The following TAFA1 variants were observed in gnomAD, a reference collection of about 807,000 sequenced individuals.
The protein encoded by TAFA1 is TAFA chemokine like family member 1.
A neutral mutation model predicts 18.5 loss-of-function variants in TAFA1; 4 were observed. That is an observed-to-expected ratio of 0.22 (90% CI 0.11 to 0.49). The LOEUF (loss-of-function observed/expected upper bound fraction) is 0.49, where lower values mean the gene tolerates loss of function less well. Among genes scored for constraint, TAFA1 ranks in the 20% least tolerant of loss-of-function variants. The pLI is 0.98. For synonymous variants in TAFA1, 56 were observed against 55.2 expected (o/e 1.01, Z -0.06); for missense variants, 147 against 169.0 (o/e 0.87, Z 0.72).
At position 68,107,731 on chromosome 3, in the gene TAFA1, C is replaced by A. The variant is rs150005665; in HGVS notation, c.118+100987C>A. 5.0e-3 allele frequency among the ~76,000 whole-genome samples: 768 copies of A among 152,168 alleles called. 7 individuals carry two copies. The highest frequency in any genetic ancestry group is 0.017 in the African/African-American group (718 of 41,524). On this transcript the variant is annotated intron_variant, in intron 2 of 4. Coordinates refer to ENST00000478136, the MANE Select transcript of TAFA1 (RefSeq NM_213609.4). ...AGAATTCTCCCTCTCAATTAAGTTT[C>A]CAGGAGTGGCTGCATTTAATATGAT...
chr3:68,522,912 C>T (rs1195102365), intron 3 of TAFA1, among the ~76,000 whole-genome samples: 1 of 151,978 alleles, frequency 6.6e-6, no homozygotes, highest in Non-Finnish European at 1.5e-5. Flanking sequence ...CCCAACTCTA[C>T]TAAAAATACA....
upstream of TAFA1, among the ~76,000 whole-genome samples, chr3:68,002,548 A>G (rs1267612718): frequency 6.6e-6 from 1 of 152,244 alleles, no homozygotes; most frequent in African/African-American, 2.4e-5. Flanking sequence ...TCACGGGGCA[A>G]AAGCCATCTT....
rs1401482101 is a variant in TAFA1, at chr3:68,054,360, C to T, written c.118+47616C>T. 2.0e-5 allele frequency among the ~76,000 whole-genome samples: 3 copies of T among 152,116 alleles called. No individual in the cohort carries two copies. In the East Asian group the frequency reaches 5.8e-4, roughly 29 times the overall value. On this transcript the variant is annotated intron_variant, in intron 2 of 4. Coordinates refer to ENST00000478136, the MANE Select transcript of TAFA1 (RefSeq NM_213609.4). ...TAAAAGGAGCCTGGCACCTCCCCTC[C>T]TCTCTCTCCATGTGATCTGTTCACT...
At chr3:68,538,733 A>T (rs3828366) in intron 3 of TAFA1, 23 bp from the exon 4 acceptor site, 3 of 1,611,812 alleles carry the variant, frequency 1.9e-6, no homozygotes, top group Non-Finnish European at 1.7e-6. Context: ...TTGCAAACAC[A>T]GTTGTTTCCT....
In TAFA1 at chr3:68,544,495, A is replaced by G. The variant is rs2073425177; in HGVS notation, c.394A>G (p.Arg132Gly). Residue 132 changes from arginine to glycine, a missense_variant, in exon 5 of 5, where the codon AGA becomes GGA. By Grantham distance (125) the Arg-to-Gly change is moderately radical (BLOSUM62 -2). Transcript: ENST00000478136. Reference protein sequence around the residue: ...NKIKTTRIHPRT With the variant: ...NKIKTTRIHPGT ...CTTTCTTTGGTTTCAGATTCACCCAAGAACCTAACAGAAGCATTTGTGGTA... is the reference window on the plus strand; with the variant it reads ...CTTTCTTTGGTTTCAGATTCACCCAGGAACCTAACAGAAGCATTTGTGGTA... 1 of 1,612,380 alleles carries G rather than the reference A, an allele frequency of 6.2e-7. No individual in the cohort carries two copies. The highest frequency in any genetic ancestry group is 1.7e-5 in the Admixed American group (1 of 59,840).
rs145183812 is a variant in TAFA1, at chr3:68,214,973, T to C, written c.119-202307T>C. 7.7e-3 allele frequency among the ~76,000 whole-genome samples: 1,174 copies of C among 152,128 alleles called. 3 individuals are homozygous for C. The highest frequency in any genetic ancestry group is 0.014 in the Non-Finnish European group (951 of 67,956). On this transcript the variant is annotated intron_variant, in intron 2 of 4. Transcript: ENST00000478136. ...ACTTTTGCTTAGAGGTTGTATATAC[T>C]GTTGCTGATCTGTGAAATGAAGGAC... is the stretch of plus-strand genomic sequence containing the variant.
chr3:68,498,284 T>C (rs1029567736), intron 3 of TAFA1, among the ~76,000 whole-genome samples: 5 of 152,304 alleles, frequency 3.3e-5, no homozygotes, highest in Non-Finnish European at 7.3e-5. Context: ...ATAATTATTA[T>C]ATTATTTTGT....
intron 2 of TAFA1, among the ~76,000 whole-genome samples, chr3:68,166,080 G>A (rs991719628): frequency 6.1e-5 from 9 of 148,264 alleles, no homozygotes; most frequent in South Asian, 2.3e-4. Context: ...AAAATTCTGC[G>A]CAAAGTCATA....
At chr3:68,141,104 C>T (rs1193763594) in intron 2 of TAFA1, among the ~76,000 whole-genome samples, 1 of 152,148 alleles carries the variant, frequency 6.6e-6, no homozygotes, top group Non-Finnish European at 1.5e-5. Context: ...AAGCTAGTCT[C>T]CCCTTCTGGC....
At chr3:68,252,335 T>C (rs1356408934) in intron 2 of TAFA1, among the ~76,000 whole-genome samples, 1 of 152,154 alleles carries the variant, frequency 6.6e-6, no homozygotes, top group Non-Finnish European at 1.5e-5. Context: ...TTCAATTTCA[T>C]TTCTCCTCAT....
intron 3 of TAFA1, among the ~76,000 whole-genome samples, chr3:68,509,982 C>T (rs892674083): frequency 5.3e-5 from 8 of 152,060 alleles, no homozygotes; most frequent in African/African-American, 1.9e-4. Context: ...TATGTAACTT[C>T]CCAATTTTAA....
intron 2 of TAFA1, among the ~76,000 whole-genome samples, chr3:68,186,849 A>T (rs1465482896): frequency 6.6e-6 from 1 of 151,920 alleles, no homozygotes. Context: ...TTAATTTCTC[A>T]CCTTGCTAGG....
At chr3:68,246,395 C>A (rs1361267347) in intron 2 of TAFA1, among the ~76,000 whole-genome samples, 1 of 151,576 alleles carries the variant, frequency 6.6e-6, no homozygotes, top group East Asian at 1.9e-4. Flanking sequence ...TGGAGACCAT[C>A]CTGGCTAACA....
chr3:68,249,498 T>C (rs555692737), intron 2 of TAFA1, among the ~76,000 whole-genome samples: 24 of 152,254 alleles, frequency 1.6e-4, no homozygotes, highest in Non-Finnish European at 2.2e-4. Flanking sequence ...ATTTGTCCTA[T>C]GTATCAAACA....
chr3:68,529,406 T>A lies in TAFA1; in HGVS notation c.260-9350T>A, dbSNP rs576547427. ...CCTACCCTTTAATCATATCTCCCCT[T>A]TGCTCATGGAATCTAGATTCACCAT... On this transcript the variant is annotated intron_variant, in intron 3 of 4. Coordinates refer to ENST00000478136, the MANE Select transcript of TAFA1 (RefSeq NM_213609.4). Among the ~76,000 whole-genome samples the A allele has an allele frequency of 3.0e-4, 40 of 133,392 alleles. No individual in the cohort carries two copies. In the South Asian group the frequency reaches 4.2e-3, roughly 14 times the overall value. The allele number at this position is 133,392 out of a possible 152,430, so 87.5% of individuals were successfully genotyped here.
intron 2 of TAFA1, among the ~76,000 whole-genome samples, chr3:68,089,123 C>T (rs2065003829): frequency 6.6e-6 from 1 of 152,046 alleles, no homozygotes; most frequent in African/African-American, 2.4e-5. Context: ...AGACATACAA[C>T]TGGAAATGTT....
At chr3:68,378,654 A>AT (rs1408259042) in intron 2 of TAFA1, among the ~76,000 whole-genome samples, 4 of 152,114 alleles carry the variant, frequency 2.6e-5, no homozygotes, top group African/African-American at 9.7e-5. Context: ...TAAGAGCAGG[A>AT]TGGTATGGTT....
intron 2 of TAFA1, among the ~76,000 whole-genome samples, chr3:68,320,939 A>G (rs995809385): frequency 6.6e-6 from 1 of 152,156 alleles, no homozygotes; most frequent in Non-Finnish European, 1.5e-5. Context: ...GGCGCTGGGC[A>G]TGGTCTAGCC....
At chr3:68,365,030 T>C (rs1205718051) in intron 2 of TAFA1, among the ~76,000 whole-genome samples, 2 of 152,172 alleles carry the variant, frequency 1.3e-5, no homozygotes, top group Admixed American at 6.5e-5. Context: ...TTGACCTTGA[T>C]CATGAAGCTG....
Sources: gnomAD v4.1 joint callset for allele counts (sites outside exome capture counted in the v4.1 genomes callset) on GRCh38, gnomAD v4.1.1 for gene constraint, MANE v1.5 for transcripts, NCBI Gene and HGNC (gene_info 2026-07-23, HGNC 2026-07-21) for gene names.